Variants in GTF2IRD1 observed in about 807,000 individuals in gnomAD.
GTF2IRD1 encodes general transcription factor II-I repeat domain-containing protein 1.
Under a neutral mutation model 113.2 loss-of-function variants are expected in GTF2IRD1, and 26 were observed. The ratio of observed to expected loss-of-function variants is 0.23; its 90% CI spans 0.17 to 0.32. The LOEUF (loss-of-function observed/expected upper bound fraction) is 0.32. Among genes scored for constraint, GTF2IRD1 ranks in the 10% least tolerant of loss-of-function variants. GTF2IRD1 has a pLI of 1.00. For synonymous variants in GTF2IRD1, 484 were observed against 529.1 expected, an observed-to-expected ratio of 0.91 and a Z score of 1.17; for missense variants, 864 against 1,280.8, an observed-to-expected ratio of 0.67 and a Z score of 4.97.
In GTF2IRD1 at chr7:74,518,247, G is replaced by A. The variant is rs1797068092; in HGVS notation, c.530G>A (p.Arg177Lys). ...QGLPEGLAFRRPAEYDPKALM... is the reference protein window; with the variant it reads ...QGLPEGLAFRKPAEYDPKALM... Reference sequence around the variant, plus strand: ...CTGCCCGAAGGCCTGGCCTTCCGAAGGCCAGCCGAGTATGACCCCAAGGCC... The same window carrying A: ...CTGCCCGAAGGCCTGGCCTTCCGAAAGCCAGCCGAGTATGACCCCAAGGCC... The change falls in exon 5 of 27, where the codon AGG (arginine) becomes AAG (lysine). Residue 177 changes from arginine (R) to lysine (K), a missense_variant. Around this residue, in one of 7 missense-constraint regions of GTF2IRD1, gnomAD observed 182 missense variants for 266.6 expected, o/e 0.68. Coordinates refer to ENST00000424337, the MANE Select transcript of GTF2IRD1 (RefSeq NM_005685.4). The A allele has an allele frequency of 6.2e-7, 1 of 1,612,088 alleles. No homozygotes were observed. The highest frequency in any genetic ancestry group is 2.2e-5 in the East Asian group (1 of 44,850).
intron 1 of GTF2IRD1, among the ~76,000 whole-genome samples, chr7:74,499,535 GGAATGAATGCACACACCAAGGAATGGAT>G (rs1221930397): frequency 6.6e-6 from 1 of 151,996 alleles, no homozygotes; most frequent in African/African-American, 2.4e-5. Flanking sequence ...TATACACAAA[GGAATGAATGCACACACCAAGGAATGGAT>G]GAATGAATGC....
intron 1 of GTF2IRD1, among the ~76,000 whole-genome samples, chr7:74,465,717 G>A (rs1279268408): frequency 1.3e-5 from 2 of 152,080 alleles, no homozygotes; most frequent in East Asian, 3.9e-4. Context: ...CTGCCTGTCT[G>A]GGACACACCC....
intron 3 of GTF2IRD1, among the ~76,000 whole-genome samples, chr7:74,514,777 G>A (rs1220987248): frequency 6.6e-6 from 1 of 151,914 alleles, no homozygotes; most frequent in African/African-American, 2.4e-5. Flanking sequence ...CAGTGTTCGT[G>A]TCAGAGCACA....
intron 8 of GTF2IRD1, among the ~76,000 whole-genome samples, chr7:74,528,843 ATGAAAGGATGGATGGATGAATGGG>A (rs1554347875): frequency 1.4e-5 from 2 of 138,184 alleles, no homozygotes; most frequent in Non-Finnish European, 3.2e-5. Flanking sequence ...GGATGGATGG[ATGAAAGGATGGATGGATGAATGGG>A]CAGATGGATG....
chr7:74,534,990 G>A lies in GTF2IRD1; in HGVS notation c.1275-123G>A, dbSNP rs374373782. The A allele has an allele frequency of 2.7e-4, 211 of 787,106 alleles. No homozygotes were observed. The African/African-American group carries it at 3.3e-3, about 12-fold the overall frequency. 48.8% of individuals were successfully genotyped at this position (787,106 alleles called of 1,614,324 possible). On this transcript the variant is annotated intron_variant, in intron 9 of 26. Coordinates refer to ENST00000424337, the MANE Select transcript of GTF2IRD1 (RefSeq NM_005685.4). ...GCCTGCATGTCTGCCGGATGCCCAGGTCTGTAGCTGTGCATGTGTCACTCA... is the reference window on the plus strand; with the variant it reads ...GCCTGCATGTCTGCCGGATGCCCAGATCTGTAGCTGTGCATGTGTCACTCA...
chr7:74,509,651 A>C (rs539866327), intron 2 of GTF2IRD1, among the ~76,000 whole-genome samples: 31 of 151,602 alleles, frequency 2.0e-4, no homozygotes, highest in African/African-American at 7.5e-4. Context: ...AAAGTCACAC[A>C]GCATGACCAG....
chr7:74,488,495 C>T (rs1262119195), intron 1 of GTF2IRD1, among the ~76,000 whole-genome samples: 2 of 152,050 alleles, frequency 1.3e-5, no homozygotes, highest in East Asian at 1.9e-4. Context: ...CGGTGGCTCA[C>T]GCCTGTAATC....
At chr7:74,488,764 G>T (rs1554336071) in intron 1 of GTF2IRD1, among the ~76,000 whole-genome samples, 1 of 151,066 alleles carries the variant, frequency 6.6e-6, no homozygotes, top group East Asian at 2.0e-4. Flanking sequence ...AAAAAAGAGA[G>T]AGAGAGAGAA....
intron 22 of GTF2IRD1, 116 bp downstream of exon 22, chr7:74,559,771 G>A: frequency 1.3e-6 from 1 of 789,602 alleles, no homozygotes; most frequent in Non-Finnish European, 1.9e-6. Flanking sequence ...CAGAAGCCAG[G>A]CCCCTGCCTT....
At chr7:74,593,413 TAAAAA>T (rs1176932203) in intron 24 of GTF2IRD1, among the ~76,000 whole-genome samples, 3 of 49,246 alleles carry the variant, frequency 6.1e-5, no homozygotes, top group Admixed American at 5.5e-4. Context: ...TCATCTCTAC[TAAAAA>T]AAAAAAAAAA....
rs782299708 is a variant in GTF2IRD1, at chr7:74,512,875, G to A, written c.169G>A (p.Val57Met). The stretch of plus-strand genomic sequence containing the variant: ...GAACGCCGAGGTGGCCTGTGTCGCC[G>A]TGCACGATGAGAGCGCCTTTGTGGT... ...KLNAEVACVA[V>M]HDESAFVVGT... The change falls in exon 3 of 27, where the codon GTG (valine) becomes ATG (methionine). Residue 57 changes from valine to methionine, a missense_variant. Transcript: ENST00000424337. This position sits in a 1 kb window ranked among gnomAD's most constrained non-coding sequence, Gnocchi z 4.4. 5.0e-6 allele frequency: 8 copies of A among 1,614,014 alleles called. No individual in the cohort carries two copies. The highest frequency in any genetic ancestry group is 2.2e-5 in the East Asian group (1 of 44,886).
Position 74,602,354 on chromosome 7 carries a change from C to T in GTF2IRD1, c.2767-11C>T. The T allele has an allele frequency of 6.2e-7, 1 of 1,611,322 alleles. No individual in the cohort carries two copies. Among genetic ancestry groups the T allele is most frequent in the Non-Finnish European group, 8.5e-7 (1 of 1,178,132 alleles). ...GGAGTCCTAATCCAGTCCCTTTGTC[C>T]CTCTCTCTAGCAATGGCCAATGTAC... On this transcript the variant is annotated splice_polypyrimidine_tract_variant and intron_variant, in intron 26 of 26. Coordinates refer to ENST00000424337, the MANE Select transcript of GTF2IRD1 (RefSeq NM_005685.4).
intron 23 of GTF2IRD1, among the ~76,000 whole-genome samples, chr7:74,590,145 A>G (rs782413885): frequency 1.3e-5 from 2 of 151,530 alleles, no homozygotes; most frequent in Non-Finnish European, 2.9e-5. Flanking sequence ...ACAGTGGCGT[A>G]TCTCCGCTCA....
chr7:74,594,777 C>A (rs1554371613), intron 24 of GTF2IRD1, among the ~76,000 whole-genome samples: 1 of 151,450 alleles, frequency 6.6e-6, no homozygotes, highest in Non-Finnish European at 1.5e-5. Context: ...CATGGTGAAA[C>A]CCCGTCTCTA....
rs587738044 is a variant in GTF2IRD1 at position 74,593,082 on chromosome 7, C to T, written c.2592-1932C>T. 3.3e-5 allele frequency among the ~76,000 whole-genome samples: 5 copies of T among 151,968 alleles called. No individual in the cohort carries two copies. The South Asian group carries it at 1.0e-3, about 32-fold the overall frequency. On this transcript the variant is annotated intron_variant, in intron 24 of 26. Coordinates refer to ENST00000424337, the MANE Select transcript of GTF2IRD1 (RefSeq NM_005685.4). ...ATGTTGGCCAGGCTGGTCTGGAACT[C>T]CTGACCTTAAGTGATCCGCCCACCT...
At chr7:74,461,838 C>T (rs960416134) in intron 1 of GTF2IRD1, among the ~76,000 whole-genome samples, 1 of 152,134 alleles carries the variant, frequency 6.6e-6, no homozygotes, top group South Asian at 2.1e-4. Flanking sequence ...CTTGACTTCC[C>T]GGAGTGCTGG....
At position 74,508,164 on chromosome 7, in the gene GTF2IRD1, C is replaced by CGA; in HGVS notation, c.87_88dup (p.Ile30ArgfsTer10). 6.2e-7 allele frequency: 1 copy of CGA among 1,613,014 alleles called. No individual in the cohort carries two copies. Among genetic ancestry groups the CGA allele is most frequent in the Non-Finnish European group, 8.5e-7 (1 of 1,179,986 alleles). The stretch of plus-strand genomic sequence containing the variant: ...GGAACTCCGCGTTCACCCGCAAAGA[C>CGA]GAGATCATCACCAGCCTCGTGTCTG... On this transcript the variant is annotated frameshift_variant, in exon 2 of 27. Coordinates refer to ENST00000424337, the MANE Select transcript of GTF2IRD1 (RefSeq NM_005685.4). LOFTEE classifies it high-confidence loss of function.
chr7:74,539,568 A>AC (rs1583832263), intron 13 of GTF2IRD1, among the ~76,000 whole-genome samples: 2 of 152,110 alleles, frequency 1.3e-5, no homozygotes, highest in East Asian at 3.9e-4. Context: ...ACATAGTGAA[A>AC]CCCCATCTCT....
intron 1 of GTF2IRD1, among the ~76,000 whole-genome samples, chr7:74,474,625 C>G (rs543268519): frequency 2.6e-5 from 4 of 152,300 alleles, no homozygotes; most frequent in Admixed American, 2.6e-4. Context: ...GCGAGTTGCT[C>G]AGCCTTTCTG....
Sources: gnomAD v4.1 joint callset for allele counts (sites outside exome capture counted in the v4.1 genomes callset) on GRCh38, gnomAD v4.1.1 for gene constraint, gnomAD v4.1.1 regional missense constraint, Gnocchi (gnomAD v3.1) non-coding constraint, MANE v1.5 for transcripts, NCBI Gene and HGNC (gene_info 2026-07-23, HGNC 2026-07-21) for gene names.